NEK4: variants seen among roughly 807,000 people sequenced by gnomAD.
The protein encoded by NEK4 is NIMA related kinase 4, also known as serine/threonine-protein kinase Nek4.
A neutral mutation model predicts 98.4 loss-of-function variants in NEK4; 86 were observed. The ratio of observed to expected loss-of-function variants is 0.87; its 90% CI spans 0.73 to 1.05. The LOEUF (loss-of-function observed/expected upper bound fraction) is 1.05, where lower values mean the gene tolerates loss of function less well. Among genes scored for constraint, NEK4 ranks in the 50% least tolerant of loss-of-function variants. The pLI, the probability that NEK4 is intolerant of heterozygous loss-of-function variation, is 0.00. For missense variants in NEK4, 898 were observed against 950.3 expected (o/e 0.94, Z 0.72); for synonymous variants, 328 against 342.2 (o/e 0.96, Z 0.46).
intron 15 of NEK4, among the ~76,000 whole-genome samples, chr3:52,723,687 A>G (rs926670476): frequency 1.3e-5 from 2 of 152,208 alleles, no homozygotes; most frequent in African/African-American, 4.8e-5. Context: ...AAGACTACAG[A>G]AAGTGAACAG....
chr3:52,728,298 C>A (rs939095862), intron 15 of NEK4, among the ~76,000 whole-genome samples: 2 of 152,150 alleles, frequency 1.3e-5, no homozygotes, highest in Admixed American at 6.5e-5. Context: ...ATCACTTGAG[C>A]CTTAGAGGTA....
intron 12 of NEK4, among the ~76,000 whole-genome samples, chr3:52,742,592 A>T (rs72960260): frequency 0.11 from 16,981 of 152,110 alleles, 2,505 homozygotes; most frequent in African/African-American, 0.34. Context: ...GTAATTACCC[A>T]TTTAGCCACC....
chr3:52,714,984 G>A (rs1031433394), intron 15 of NEK4, among the ~76,000 whole-genome samples: 1 of 152,222 alleles, frequency 6.6e-6, no homozygotes, highest in African/African-American at 2.4e-5. Context: ...AGGGCAGCTT[G>A]GCACTGGCCT....
At chr3:52,726,423 CCT>C (rs1304497092) in intron 15 of NEK4, among the ~76,000 whole-genome samples, 1 of 150,700 alleles carries the variant, frequency 6.6e-6, no homozygotes. Flanking sequence ...ACGGTGAAAC[CCT>C]GTCTCTTCTA....
chr3:52,730,891 TG>T (rs768244620), intron 15 of NEK4, among the ~76,000 whole-genome samples: 3 of 151,986 alleles, frequency 2.0e-5, no homozygotes, highest in Non-Finnish European at 4.4e-5. Context: ...GGGCAGGAAA[TG>T]GGGAACTATT....
intron 6 of NEK4, 142 bp from the exon 7 acceptor site, chr3:52,752,478 T>C: frequency 4.1e-6 from 3 of 730,026 alleles, no homozygotes; most frequent in Middle Eastern, 2.8e-4. Context: ...AAGTATGTAA[T>C]CCAAGGAACT....
chr3:52,740,339 G>C lies in NEK4; in HGVS notation c.2094-705C>G, dbSNP rs868421225. On this transcript the variant is annotated intron_variant, in intron 13 of 15. Transcript: ENST00000233027. ...TAGAAGAAAACATGAACATGTTAAA[G>C]AGAGACACAAAGACATTAAAAAAAG... 6.6e-5 allele frequency among the ~76,000 whole-genome samples: 10 copies of C among 151,918 alleles called. 1 individual carries two copies. Among genetic ancestry groups the C allele is most frequent in the African/African-American group, 1.5e-4 (6 of 41,350 alleles).
rs144511046 is a variant in NEK4, at chr3:52,739,545, G to A, written c.2183C>T (p.Pro728Leu). The A allele has an allele frequency of 2.3e-4, 379 of 1,614,014 alleles. No individual in the cohort carries two copies. In the African/African-American group the frequency reaches 3.9e-3, roughly 16 times the overall value. ...GAATTCTGACACTGGGTTTGCTACC[G>A]GGACATCTTCACAGCTCTCTTTAGA... The part of the protein sequence containing the change: ...LDSKESCEDV[P>L]VANPVSEFKL... The change falls in exon 14 of 16, where the codon CCG (proline) becomes CTG (leucine). Residue 728 changes from proline (P) to leucine (L), a missense_variant. Physicochemically the swap from Pro to Leu is moderately conservative, Grantham distance 98. Transcript: ENST00000233027.
chr3:52,729,395 G>A (rs1193074191), intron 15 of NEK4, among the ~76,000 whole-genome samples: 1 of 151,816 alleles, frequency 6.6e-6, no homozygotes, highest in Non-Finnish European at 1.5e-5. Flanking sequence ...TGGAGCGAAA[G>A]CCTGTTTCAA....
At chr3:52,724,160 G>C (rs929143398) in intron 15 of NEK4, among the ~76,000 whole-genome samples, 1 of 151,944 alleles carries the variant, frequency 6.6e-6, no homozygotes, top group Non-Finnish European at 1.5e-5. Flanking sequence ...TTGAACCCGG[G>C]AGACAGAGGT....
intron 5 of NEK4, among the ~76,000 whole-genome samples, chr3:52,762,903 G>A (rs1449296310): frequency 6.6e-6 from 1 of 152,052 alleles, no homozygotes; most frequent in Non-Finnish European, 1.5e-5. Context: ...ACAAAAAAAA[G>A]TAAGTGCAAG....
intron 14 of NEK4, 43 bp downstream of exon 14, chr3:52,739,386 G>T: frequency 6.5e-7 from 1 of 1,527,992 alleles, no homozygotes. Context: ...GTGACAGAGT[G>T]AGACTCCGTC....
chr3:52,747,990 C>T (rs1403263152), intron 8 of NEK4, among the ~76,000 whole-genome samples: 6 of 151,832 alleles, frequency 4.0e-5, no homozygotes, highest in Admixed American at 2.0e-4. Context: ...GACAGAGTCT[C>T]GCTCTGTCGC....
chr3:52,723,633 G>A (rs1490976639), intron 15 of NEK4, among the ~76,000 whole-genome samples: 1 of 152,086 alleles, frequency 6.6e-6, no homozygotes, highest in Non-Finnish European at 1.5e-5. Flanking sequence ...TGAACTTGAA[G>A]ATAGGATAAT....
At chr3:52,767,720 A>G (rs550471579) in intron 2 of NEK4, among the ~76,000 whole-genome samples, 1 of 152,134 alleles carries the variant, frequency 6.6e-6, no homozygotes, top group South Asian at 2.1e-4. Context: ...CTCCGTCTCA[A>G]AAGAAAAAAA....
At chr3:52,758,288 TCA>T (rs978151273) in intron 6 of NEK4, among the ~76,000 whole-genome samples, 7 of 151,786 alleles carry the variant, frequency 4.6e-5, no homozygotes, top group African/African-American at 1.7e-4. Context: ...GTAACAGAGT[TCA>T]GTTTTACAAT....
rs1339857699 is a variant in NEK4, at chr3:52,710,755, C to CT, written c.*1021dup. 6.6e-6 allele frequency: 1 copy of CT among 151,724 alleles called. No homozygotes were observed. Among genetic ancestry groups the CT allele is most frequent in the Non-Finnish European group, 1.5e-5 (1 of 67,938 alleles). The allele number at this position is 151,724 out of a possible 1,614,324, so 9.4% of individuals were successfully genotyped here. A position where few individuals can be genotyped will look rare whatever the true frequency, so the allele number is the denominator to read the frequency against. ...CCAGCCTGACTGACAGAGTGAAACTCTGTCTCAAAAAAAAAACACCTGAAA... is the reference window on the plus strand; with the variant it reads ...CCAGCCTGACTGACAGAGTGAAACTCTTGTCTCAAAAAAAAAACACCTGAAA... On this transcript the variant is annotated 3_prime_UTR_variant, in exon 16 of 16. Coordinates refer to ENST00000233027, the MANE Select transcript of NEK4 (RefSeq NM_003157.6).
In NEK4 at chr3:52,746,082, G is replaced by A; in HGVS notation, c.1806C>T (p.Ser602=). Residue 602 remains serine (S), a synonymous_variant, in exon 10 of 16, where the codon AGC becomes AGT. Coordinates refer to ENST00000233027, the MANE Select transcript of NEK4 (RefSeq NM_003157.6). The stretch of plus-strand genomic sequence containing the variant: ...AAACCTTTGATGATGACATCTCACT[G>A]CTCCTTGAACTGCTCACAGACCCAG... ...VVTGSVSSSR[S]SEMSSSKDRP... 2.5e-6 allele frequency: 4 copies of A among 1,613,776 alleles called. No homozygotes were observed. The highest frequency in any genetic ancestry group is 3.4e-6 in the Non-Finnish European group (4 of 1,179,932).
chr3:52,756,819 C>G (rs948635121), intron 6 of NEK4, among the ~76,000 whole-genome samples: 4 of 151,974 alleles, frequency 2.6e-5, no homozygotes, highest in Admixed American at 6.6e-5. Flanking sequence ...AGGTAACCCA[C>G]AAAATGAGAG....
Sources: allele counts gnomAD v4.1 joint callset (sites outside exome capture counted in the v4.1 genomes callset), GRCh38; gene constraint gnomAD v4.1.1; transcripts MANE v1.5; gene names NCBI Gene and HGNC (gene_info 2026-07-23, HGNC 2026-07-21).